Variants in TFR2 observed in about 807,000 individuals in gnomAD.
TFR2 encodes the protein transferrin receptor protein 2.
Under a neutral mutation model 91.9 loss-of-function variants are expected in TFR2, and 64 were observed. That is an observed-to-expected ratio of 0.70 (90% confidence interval 0.57 to 0.86). The LOEUF (loss-of-function observed/expected upper bound fraction) is 0.86, where lower values mean the gene tolerates loss of function less well. Among genes scored for constraint, TFR2 ranks in the 40% least tolerant of loss-of-function variants. The pLI, the probability that TFR2 is intolerant of heterozygous loss-of-function variation, is 0.00. For synonymous variants in TFR2, 454 were observed against 459.6 expected (o/e 0.99, Z 0.15); for missense variants, 950 against 1,080.5 (o/e 0.88, Z 1.69).
intron 3 of TFR2, 142 bp from the exon 4 acceptor site, chr7:100,633,698 C>CTTTT: frequency 9.3e-6 from 2 of 214,398 alleles, no homozygotes; most frequent in South Asian, 1.2e-4. Flanking sequence ...CCCGCGGACG[C>CTTTT]TTTTTTTTTT....
At chr7:100,624,053 C>G (rs1803189351) in intron 17 of TFR2, among the ~76,000 whole-genome samples, 2 of 151,918 alleles carry the variant, frequency 1.3e-5, no homozygotes, top group South Asian at 4.2e-4. Context: ...GACACTGTCT[C>G]CAAAAAATAA....
At chr7:100,629,754 TTTAA>T (rs1490991754) in intron 9 of TFR2, among the ~76,000 whole-genome samples, 1 of 152,076 alleles carries the variant, frequency 6.6e-6, no homozygotes, top group Non-Finnish European at 1.5e-5. Context: ...TATTTATTTA[TTTAA>T]TTTATTTTTT....
rs190660309 is a variant in TFR2 at position 100,637,854 on chromosome 7, G to A, written c.473+2832C>T. On this transcript the variant is annotated intron_variant, in intron 3 of 17. Transcript: ENST00000223051. ...AATTTAATTTTTTTTTTTTTGAGAT[G>A]GAGTTTCACTCTTGTTGCCCAGGCT... 3.5e-3 allele frequency among the ~76,000 whole-genome samples: 518 copies of A among 146,896 alleles called. 4 individuals are homozygous for A. Among genetic ancestry groups the A allele is most frequent in the African/African-American group, 0.012 (484 of 39,742 alleles).
At chr7:100,624,533 G>C (rs916389401) in intron 17 of TFR2, among the ~76,000 whole-genome samples, 3 of 77,532 alleles carry the variant, frequency 3.9e-5, no homozygotes, top group African/African-American at 7.1e-5. Flanking sequence ...TAGCCATAGA[G>C]AGCGTGAAAA....
chr7:100,627,324 G>T lies in TFR2; in HGVS notation c.1935C>A (p.Arg645=). ...HDRLLPLDFG[R]YGDVVLRHIG... ...TGTGCCTGAGGACGACGTCCCCGTA[G>T]CGGCCGAAGTCGAGGGGCAGCAGGC... Residue 645 remains arginine (R), a synonymous_variant, in exon 16 of 18, where the codon CGC becomes CGA. Transcript: ENST00000223051. 1.3e-6 allele frequency: 2 copies of T among 1,550,428 alleles called. No individual in the cohort carries two copies. The highest frequency in any genetic ancestry group is 1.7e-6 in the Non-Finnish European group (2 of 1,147,000).
intron 1 of TFR2, 26 bp from the exon 2 acceptor site, chr7:100,641,254 T>C: frequency 6.6e-7 from 1 of 1,526,316 alleles, no homozygotes; most frequent in Non-Finnish European, 8.8e-7. Context: ...GGGCATGAGA[T>C]TGGGGCAAGA....
Position 100,630,953 on chromosome 7 carries a change from G to T in TFR2, c.1206C>A (p.Asn402Lys), listed in dbSNP as rs144917130. ...TGATGGGGGTGGAGGTCCTGTGATT[G>T]TTGACCACTAGCCGCAGTCGTGGCC... ...GPGPRLRLVV[N>K]NHRTSTPINN... The change falls in exon 9 of 18, where the codon AAC becomes AAA. Residue 402 changes from asparagine to lysine, a missense_variant. By Grantham distance (94) the Asn-to-Lys change is moderately conservative. Coordinates refer to ENST00000223051, the MANE Select transcript of TFR2 (RefSeq NM_003227.4). 352 of 1,613,114 alleles carry T rather than the reference G, an allele frequency of 2.2e-4. 4 individuals carry two copies. In the East Asian group the frequency reaches 6.2e-3, roughly 29 times the overall value.
chr7:100,634,288 C>T (rs2131322004), intron 3 of TFR2, among the ~76,000 whole-genome samples: 1 of 152,218 alleles, frequency 6.6e-6, no homozygotes, highest in Non-Finnish European at 1.5e-5. Flanking sequence ...CTCCCCCATC[C>T]TCCACGTGGG....
chr7:100,637,314 G>A (rs1157033544), intron 3 of TFR2, among the ~76,000 whole-genome samples: 9 of 151,778 alleles, frequency 5.9e-5, no homozygotes, highest in African/African-American at 1.7e-4. Flanking sequence ...CAGGAGAATC[G>A]CTTGAACCCG....
At chr7:100,635,070 C>A (rs1420324039) in intron 3 of TFR2, among the ~76,000 whole-genome samples, 1 of 151,964 alleles carries the variant, frequency 6.6e-6, no homozygotes, top group African/African-American at 2.4e-5. Context: ...TCCTGAGTAG[C>A]TAGGACCACA....
At chr7:100,623,460 A>G (rs972612073) in intron 17 of TFR2, among the ~76,000 whole-genome samples, 4 of 151,862 alleles carry the variant, frequency 2.6e-5, no homozygotes, top group African/African-American at 4.8e-5. Flanking sequence ...GACATTTGCA[A>G]TCTGACCAAA....
chr7:100,628,371 C>G, intron 10 of TFR2, 65 bp from the exon 11 acceptor site: 1 of 1,499,082 alleles, frequency 6.7e-7, no homozygotes, highest in East Asian at 2.3e-5. Flanking sequence ...CCCTTGTCTT[C>G]TTCTGTCCTG....
Position 100,641,199 on chromosome 7 carries a change from G to A in TFR2, c.63C>T (p.Thr21=), listed in dbSNP as rs1189743234. 4 of 1,532,432 alleles carry A rather than the reference G, an allele frequency of 2.6e-6. No homozygotes were observed. The highest frequency in any genetic ancestry group is 2.1e-5 in the Admixed American group (1 of 48,430). The allele number at this position is 1,532,432 out of a possible 1,614,324, so 94.9% of individuals were successfully genotyped here. A position where few individuals can be genotyped will look rare whatever the true frequency, so the allele number is the denominator to read the frequency against. ...AQQLSPRSSQ[T]VYQRVEGPRK... Reference sequence around the variant, plus strand: ...GGGGGCCTTCCACACGCTGGTAGACGGTCTGAGAGGATCTTGGGGACAGTT... The same window carrying A: ...GGGGGCCTTCCACACGCTGGTAGACAGTCTGAGAGGATCTTGGGGACAGTT... The change falls in exon 2 of 18, where the codon ACC becomes ACT. Residue 21 remains threonine (T), a synonymous_variant. Coordinates refer to ENST00000223051, the MANE Select transcript of TFR2 (RefSeq NM_003227.4).
rs948118403 is a variant in TFR2, at chr7:100,640,729, A to G, written c.430T>C (p.Phe144Leu). Residue 144 changes from phenylalanine to leucine, a missense_variant, in exon 3 of 18, where the codon TTC (phenylalanine) becomes CTC (leucine). Transcript: ENST00000223051. ...RLYWSDLQAM[F>L]LQFLGEGRLE... The stretch of plus-strand genomic sequence containing the variant: ...CGCCCCTCCCCCAGGAACTGCAGGA[A>G]CATGGCCTGGAGGTCGCTCCAGTAG... 3.7e-6 allele frequency: 6 copies of G among 1,613,844 alleles called. No individual in the cohort carries two copies. The Admixed American group carries it at 1.0e-4, about 27-fold the overall frequency.
intron 1 of TFR2, 117 bp from the exon 2 acceptor site, chr7:100,641,345 G>A (rs1013732973): frequency 2.1e-6 from 3 of 1,433,228 alleles, no homozygotes; most frequent in Non-Finnish European, 2.9e-6. Flanking sequence ...GTGGGGGCGT[G>A]GGGGAGGGGC....
At chr7:100,636,896 C>T (rs1217136406) in intron 3 of TFR2, among the ~76,000 whole-genome samples, 3 of 152,120 alleles carry the variant, frequency 2.0e-5, no homozygotes, top group Non-Finnish European at 2.9e-5. Flanking sequence ...TGCCACACCC[C>T]GCTTCTAGAC....
intron 17 of TFR2, among the ~76,000 whole-genome samples, chr7:100,622,137 C>T (rs1015103320): frequency 2.0e-5 from 3 of 152,172 alleles, no homozygotes; most frequent in Non-Finnish European, 4.4e-5. Context: ...GTGATCTTCC[C>T]GCCTTAGCCT....
rs1219900591 is a variant in TFR2, at chr7:100,627,592, C to T, written c.1752G>A (p.Glu584=). The change falls in exon 15 of 18, where the codon GAG becomes GAA. Residue 584 remains glutamate, a synonymous_variant. Coordinates refer to ENST00000223051, the MANE Select transcript of TFR2 (RefSeq NM_003227.4). The part of the protein sequence containing the change: ...FTAFVGVPAV[E]FSFMEDDQAY... The stretch of plus-strand genomic sequence containing the variant: ...GACGTCTCACCTCCATAAAGGAGAA[C>T]TCGACGGCAGGGACTCCCACAAAGG... 1.2e-5 allele frequency: 19 copies of T among 1,614,018 alleles called. No homozygotes were observed. The highest frequency in any genetic ancestry group is 1.5e-5 in the Non-Finnish European group (18 of 1,180,020).
At chr7:100,628,436 C>T in intron 10 of TFR2, 130 bp from the exon 11 acceptor site, 1 of 902,606 alleles carries the variant, frequency 1.1e-6, no homozygotes, top group Non-Finnish European at 1.7e-6. Flanking sequence ...ATCTCACTCT[C>T]TCGCCCAGGC....
Sources: allele counts gnomAD v4.1 joint callset (sites outside exome capture counted in the v4.1 genomes callset), GRCh38; gene constraint gnomAD v4.1.1; transcripts MANE v1.5; gene names NCBI Gene and HGNC (gene_info 2026-07-23, HGNC 2026-07-21).